Variants in GNB1 observed in about 807,000 individuals in gnomAD.
GNB1 encodes G protein subunit beta 1, also known as guanine nucleotide-binding protein G(I)/G(S)/G(T) subunit beta-1.
A neutral mutation model predicts 42.9 loss-of-function variants in GNB1; 2 were observed. The observed-to-expected ratio is 0.05, with a 90% CI of 0.02 to 0.15. The LOEUF is 0.15. Ranked by LOEUF, GNB1 falls within the 10% of genes least tolerant of loss-of-function variation. GNB1 has a pLI of 1.00. For synonymous variants in GNB1, 183 were observed against 174.7 expected, an observed-to-expected ratio of 1.05 and a Z score of -0.38; for missense variants, 193 against 462.2, an observed-to-expected ratio of 0.42 and a Z score of 5.34.
intron 7 of GNB1, among the ~76,000 whole-genome samples, chr1:1,798,944 C>T (rs1219075443): frequency 1.4e-5 from 2 of 142,572 alleles, no homozygotes; most frequent in Admixed American, 7.5e-5. Context: ...TTTTTTGAGA[C>T]GGAGTCTCGC....
At chr1:1,815,522 T>C (rs1475768328) in intron 5 of GNB1, among the ~76,000 whole-genome samples, 6 of 152,242 alleles carry the variant, frequency 3.9e-5, no homozygotes, top group Admixed American at 3.9e-4. Flanking sequence ...AGAACTTGTA[T>C]TAATGTGATT....
chr1:1,810,579 T>C (rs1414951725), intron 5 of GNB1, among the ~76,000 whole-genome samples: 1 of 147,968 alleles, frequency 6.8e-6, no homozygotes, highest in Non-Finnish European at 1.5e-5. Flanking sequence ...AGTACAAATA[T>C]ATTGATAAAC....
At chr1:1,814,312 GAA>G (rs1646821204) in intron 5 of GNB1, among the ~76,000 whole-genome samples, 5 of 152,168 alleles carry the variant, frequency 3.3e-5, no homozygotes, top group Non-Finnish European at 7.3e-5. Flanking sequence ...ACTACTCAAA[GAA>G]GGGCATGTTA....
intron 7 of GNB1, among the ~76,000 whole-genome samples, chr1:1,798,477 A>T (rs1175490996): frequency 2.6e-5 from 4 of 152,246 alleles, no homozygotes; most frequent in East Asian, 3.8e-4. Context: ...GGGCTCTGTC[A>T]CTGACAGCTG....
chr1:1,876,512 A>C (rs1043987687), intron 1 of GNB1, among the ~76,000 whole-genome samples: 77 of 151,904 alleles, frequency 5.1e-4, no homozygotes, highest in Middle Eastern at 3.4e-3. Flanking sequence ...AGAGAGAGAG[A>C]GAGCGAGCGT....
intron 2 of GNB1, among the ~76,000 whole-genome samples, chr1:1,835,099 T>A (rs973826370): frequency 7.9e-5 from 12 of 152,180 alleles, no homozygotes; most frequent in African/African-American, 2.9e-4. Context: ...CTACAATGAA[T>A]ACTATGTGCT....
At chr1:1,807,493 ACAAACAG>A (rs1646717486) in intron 5 of GNB1, among the ~76,000 whole-genome samples, 1 of 144,172 alleles carries the variant, frequency 6.9e-6, no homozygotes, top group African/African-American at 2.6e-5. Flanking sequence ...AAAAAAAAAA[ACAAACAG>A]AAAGAACAAA....
chr1:1,874,305 C>T (rs1649409718), intron 1 of GNB1, among the ~76,000 whole-genome samples: 2 of 152,048 alleles, frequency 1.3e-5, no homozygotes, highest in Non-Finnish European at 2.9e-5. Flanking sequence ...CCTGTCTCTA[C>T]TAAAAATACA....
At position 1,817,796 on chromosome 1, in the gene GNB1, C is replaced by T; in HGVS notation, c.96+41G>A. The T allele has an allele frequency of 2.0e-6, 3 of 1,510,878 alleles. No individual in the cohort carries two copies. In the South Asian group the frequency reaches 3.4e-5, roughly 17 times the overall value. 93.6% of individuals were successfully genotyped at this position (1,510,878 alleles called of 1,614,324 possible). A position where few individuals can be genotyped will look rare whatever the true frequency, so the allele number is the denominator to read the frequency against. On this transcript the variant is annotated intron_variant, in intron 4 of 11. Coordinates refer to ENST00000378609, the MANE Select transcript of GNB1 (RefSeq NM_002074.5). ...CAGGTGTGGGTGCCGTGCTAGCCTC[C>T]TCACAGGCAGATGGCTCTGCGTGAC... is the stretch of plus-strand genomic sequence containing the variant.
chr1:1,813,496 A>AT (rs1646810702), intron 5 of GNB1, among the ~76,000 whole-genome samples: 1 of 152,134 alleles, frequency 6.6e-6, no homozygotes, highest in South Asian at 2.1e-4. Context: ...TTACTTATTT[A>AT]TTTAGAGACA....
intron 8 of GNB1, among the ~76,000 whole-genome samples, chr1:1,792,300 C>T (rs1252677336): frequency 6.6e-6 from 1 of 151,982 alleles, no homozygotes; most frequent in African/African-American, 2.4e-5. Context: ...CAGAAAGGGA[C>T]AATCAAAACC....
At chr1:1,829,104 T>A (rs1203430970) in intron 2 of GNB1, among the ~76,000 whole-genome samples, 1 of 152,216 alleles carries the variant, frequency 6.6e-6, no homozygotes, top group African/African-American at 2.4e-5. Context: ...TCGCCCAGGC[T>A]GCAGTGCAAT....
intron 1 of GNB1, among the ~76,000 whole-genome samples, chr1:1,874,412 C>G (rs1346652305): frequency 6.6e-6 from 1 of 151,728 alleles, no homozygotes; most frequent in African/African-American, 2.4e-5. Flanking sequence ...AGTTGGAGAC[C>G]AGCCTGGGCA....
intron 1 of GNB1, among the ~76,000 whole-genome samples, chr1:1,875,104 C>CCCA (rs1649469318): frequency 6.6e-6 from 1 of 152,152 alleles, no homozygotes; most frequent in Admixed American, 6.6e-5. Context: ...TGCTCGCTTG[C>CCCA]CCACCTCTCA....
intron 1 of GNB1, among the ~76,000 whole-genome samples, chr1:1,874,157 G>A (rs940734230): frequency 2.6e-5 from 4 of 152,122 alleles, no homozygotes; most frequent in African/African-American, 9.7e-5. Context: ...ACAAAAGAAA[G>A]ACTAGCAAAG....
At chr1:1,791,096 C>T (rs984042378) in intron 8 of GNB1, among the ~76,000 whole-genome samples, 3 of 151,986 alleles carry the variant, frequency 2.0e-5, no homozygotes, top group Non-Finnish European at 4.4e-5. Flanking sequence ...TGGCTCACAG[C>T]AATTCTGAGG....
intron 1 of GNB1, among the ~76,000 whole-genome samples, chr1:1,847,023 GAA>G (rs1456735359): frequency 6.6e-6 from 1 of 152,010 alleles, no homozygotes; most frequent in East Asian, 1.9e-4. Context: ...AATCATTGAG[GAA>G]AAGAAAATCT....
chr1:1,796,330 T>A (rs1275527360), intron 7 of GNB1, among the ~76,000 whole-genome samples: 1 of 152,184 alleles, frequency 6.6e-6, no homozygotes, highest in African/African-American at 2.4e-5. Flanking sequence ...CAGGAAAGCC[T>A]CGTAGGGCCT....
At chr1:1,815,463 A>G (rs1646840992) in intron 5 of GNB1, among the ~76,000 whole-genome samples, 1 of 152,236 alleles carries the variant, frequency 6.6e-6, no homozygotes, top group Non-Finnish European at 1.5e-5. Context: ...AACTGGGAAG[A>G]CAGAGGTCTA....
Sources: gnomAD v4.1 joint callset for allele counts (sites outside exome capture counted in the v4.1 genomes callset) on GRCh38, gnomAD v4.1.1 for gene constraint, MANE v1.5 for transcripts, NCBI Gene and HGNC (gene_info 2026-07-23, HGNC 2026-07-21) for gene names.